NELL2: variants seen among roughly 807,000 people sequenced by gnomAD.
NELL2 encodes protein kinase C-binding protein NELL2.
A neutral mutation model predicts 109.6 loss-of-function variants in NELL2; 41 were observed. That is an observed-to-expected ratio of 0.37 (90% CI 0.29 to 0.49). The LOEUF is 0.49. Among genes scored for constraint, NELL2 ranks in the 20% least tolerant of loss-of-function variants. NELL2 has a pLI of 0.98. For synonymous variants in NELL2, 355 were observed against 344.7 expected, an observed-to-expected ratio of 1.03 and a Z score of -0.33; for missense variants, 900 against 1,008.3, an observed-to-expected ratio of 0.89 and a Z score of 1.45.
At chr12:44,749,584 A>G (rs1940552490) in intron 9 of NELL2, among the ~76,000 whole-genome samples, 1 of 152,126 alleles carries the variant, frequency 6.6e-6, no homozygotes, top group South Asian at 2.1e-4. Flanking sequence ...TCACCTCCTT[A>G]GAAGAGAGAC....
chr12:44,740,481 G>T (rs1407958285), intron 9 of NELL2, among the ~76,000 whole-genome samples: 1 of 152,084 alleles, frequency 6.6e-6, no homozygotes, highest in Non-Finnish European at 1.5e-5. Flanking sequence ...CAGTCAGTTT[G>T]CATCAAAGTT....
chr12:44,910,257 G>A (rs560651592), intron 1 of NELL2, among the ~76,000 whole-genome samples: 20 of 151,942 alleles, frequency 1.3e-4, no homozygotes, highest in African/African-American at 3.9e-4. Context: ...AATCTATAAG[G>A]TTCTTAATTC....
intron 9 of NELL2, among the ~76,000 whole-genome samples, chr12:44,732,919 T>A (rs544286024): frequency 1.3e-5 from 2 of 152,008 alleles, no homozygotes; most frequent in Non-Finnish European, 2.9e-5. Context: ...AAAAAAGATA[T>A]ATAAATGGCC....
At chr12:44,670,464 C>A (rs901073577) in intron 12 of NELL2, among the ~76,000 whole-genome samples, 18 of 151,750 alleles carry the variant, frequency 1.2e-4, no homozygotes, top group Non-Finnish European at 2.5e-4. Context: ...GAAATCCCCA[C>A]CTATTAATAA....
At chr12:44,784,875 C>T (rs929516433) in intron 3 of NELL2, among the ~76,000 whole-genome samples, 3 of 152,094 alleles carry the variant, frequency 2.0e-5, no homozygotes, top group African/African-American at 7.2e-5. Context: ...ATGGATGGAA[C>T]GTATCTCAAA....
chr12:44,654,789 C>T (rs768089642), intron 13 of NELL2, among the ~76,000 whole-genome samples: 3 of 152,042 alleles, frequency 2.0e-5, no homozygotes, highest in Admixed American at 1.3e-4. Context: ...AGAAGAGCAG[C>T]GAGGCGAGGC....
chr12:44,921,602 C>G (rs1592722667), intron 1 of NELL2, among the ~76,000 whole-genome samples: 1 of 152,022 alleles, frequency 6.6e-6, no homozygotes, highest in Non-Finnish European at 1.5e-5. Flanking sequence ...TAGAACAGTA[C>G]AAGCAATAAG....
chr12:44,584,521 T>C (rs958613664), intron 15 of NELL2, among the ~76,000 whole-genome samples: 2 of 152,222 alleles, frequency 1.3e-5, no homozygotes, highest in Admixed American at 1.3e-4. Flanking sequence ...CTATATTATA[T>C]ACCTGAGCCT....
At chr12:44,702,786 A>T (rs1372647284) in intron 12 of NELL2, among the ~76,000 whole-genome samples, 3 of 152,158 alleles carry the variant, frequency 2.0e-5, no homozygotes, top group African/African-American at 7.2e-5. Flanking sequence ...AGGTCAATTT[A>T]AAAAATGAAT....
At chr12:44,716,544 T>C (rs1266271903) in intron 9 of NELL2, among the ~76,000 whole-genome samples, 1 of 152,174 alleles carries the variant, frequency 6.6e-6, no homozygotes, top group Non-Finnish European at 1.5e-5. Flanking sequence ...TTTACCTCTC[T>C]GACATCTAAT....
At chr12:44,524,065 C>A (rs1941660730) in intron 16 of NELL2, among the ~76,000 whole-genome samples, 1 of 152,160 alleles carries the variant, frequency 6.6e-6, no homozygotes, top group African/African-American at 2.4e-5. Flanking sequence ...TAGACCTTGA[C>A]TCTCAACCAC....
intron 12 of NELL2, among the ~76,000 whole-genome samples, chr12:44,692,731 T>A (rs1948938948): frequency 1.3e-5 from 2 of 152,134 alleles, no homozygotes; most frequent in Non-Finnish European, 2.9e-5. Flanking sequence ...GGTTCAAGAC[T>A]TCAGTAGAGG....
intron 12 of NELL2, among the ~76,000 whole-genome samples, chr12:44,684,533 C>T (rs1416145994): frequency 2.0e-5 from 3 of 152,046 alleles, no homozygotes; most frequent in South Asian, 4.1e-4. Flanking sequence ...TGGATCTTTC[C>T]TGCTTTCTCT....
chr12:44,522,241 ACACG>A, intron 17 of NELL2, 65 bp from the exon 18 acceptor site: 2 of 1,304,782 alleles, frequency 1.5e-6, no homozygotes, highest in Non-Finnish European at 2.1e-6. Flanking sequence ...GCACACACAC[ACACG>A]CACACACATT....
At chr12:44,904,612 T>C (rs1456104069) in intron 1 of NELL2, among the ~76,000 whole-genome samples, 1 of 152,138 alleles carries the variant, frequency 6.6e-6, no homozygotes, top group African/African-American at 2.4e-5. Context: ...GTTACCCTCA[T>C]TGAATTATGA....
chr12:44,900,822 C>T (rs1945651563), intron 1 of NELL2, among the ~76,000 whole-genome samples: 1 of 152,118 alleles, frequency 6.6e-6, no homozygotes. Context: ...AACCCCATCT[C>T]TACTAAAAAT....
At chr12:44,520,582 CT>C (rs1157554474) in intron 18 of NELL2, among the ~76,000 whole-genome samples, 1 of 152,100 alleles carries the variant, frequency 6.6e-6, no homozygotes, top group African/African-American at 2.4e-5. Flanking sequence ...CATGTGATAT[CT>C]TTTTCATTCT....
At chr12:44,874,710 A>G (rs1945263052) in intron 2 of NELL2, among the ~76,000 whole-genome samples, 1 of 152,216 alleles carries the variant, frequency 6.6e-6, no homozygotes. Context: ...GGGTCTTTCA[A>G]AGATAAATTT....
At chr12:44,693,362 A>G (rs1007542653) in intron 12 of NELL2, among the ~76,000 whole-genome samples, 3 of 152,198 alleles carry the variant, frequency 2.0e-5, no homozygotes, top group African/African-American at 7.2e-5. Context: ...TTTTATATGC[A>G]CTGGGAGACA....
Sources: gnomAD v4.1 joint callset for allele counts (sites outside exome capture counted in the v4.1 genomes callset) on GRCh38, gnomAD v4.1.1 for gene constraint, MANE v1.5 for transcripts, NCBI Gene and HGNC (gene_info 2026-07-23, HGNC 2026-07-21) for gene names.